Variants in DLGAP2 observed in about 807,000 individuals in gnomAD.
DLGAP2 encodes disks large-associated protein 2.
DLGAP2 carries 26 observed loss-of-function variants against 100.3 expected under a neutral mutation model. The observed-to-expected ratio is 0.26, with a 90% CI of 0.19 to 0.36. The LOEUF is 0.36. Among genes scored for constraint, DLGAP2 ranks in the 10% least tolerant of loss-of-function variants. The probability of loss-of-function intolerance (pLI) is 1.00; values close to 1 mark genes in which losing one functional copy is unlikely to be tolerated. For synonymous variants in DLGAP2, 886 were observed against 630.1 expected (o/e 1.41, Z -6.08); for missense variants, 1,858 against 1,453.2 (o/e 1.28, Z -4.53).
At chr8:1,360,448 C>A (rs903345251) in intron 3 of DLGAP2, among the ~76,000 whole-genome samples, 3 of 145,320 alleles carry the variant, frequency 2.1e-5, no homozygotes, top group African/African-American at 7.9e-5. Context: ...GAGTGTTTTG[C>A]CCACTCCAGG....
At chr8:1,269,693 G>A (rs984828254) in intron 3 of DLGAP2, among the ~76,000 whole-genome samples, 4 of 152,028 alleles carry the variant, frequency 2.6e-5, no homozygotes, top group African/African-American at 4.8e-5. Context: ...TAGAATGACT[G>A]TGCACCCCCC....
intron 2 of DLGAP2, among the ~76,000 whole-genome samples, chr8:968,234 G>A (rs1008045135): frequency 2.6e-5 from 4 of 152,236 alleles, no homozygotes; most frequent in African/African-American, 7.2e-5. Flanking sequence ...AGATGATTAT[G>A]ACAGCTATGC....
rs1487884467 is a variant in DLGAP2 at position 1,702,879 on chromosome 8, G to C, written c.*1473G>C. The C allele has an allele frequency of 2.0e-5, 3 of 152,620 alleles. No homozygotes were observed. Among genetic ancestry groups the C allele is most frequent in the Non-Finnish European group, 4.4e-5 (3 of 68,044 alleles). 9.5% of individuals were successfully genotyped at this position (152,620 alleles called of 1,614,324 possible). A position where few individuals can be genotyped will look rare whatever the true frequency, so the allele number is the denominator to read the frequency against. ...TAAGATGTTTCCACCCCAATACCTG[G>C]TCTTCCTTCCCGGCTTAAGGAGTAC... On this transcript the variant is annotated 3_prime_UTR_variant, in exon 15 of 15. Transcript: ENST00000637795.
At chr8:1,413,286 G>C (rs1387748489) in intron 3 of DLGAP2, among the ~76,000 whole-genome samples, 1 of 152,128 alleles carries the variant, frequency 6.6e-6, no homozygotes, top group Admixed American at 6.5e-5. Context: ...AAAGATAGAA[G>C]GATGGGAAGC....
chr8:1,671,490 C>T (rs1798688930), intron 10 of DLGAP2, among the ~76,000 whole-genome samples: 1 of 152,228 alleles, frequency 6.6e-6, no homozygotes, highest in Non-Finnish European at 1.5e-5. Flanking sequence ...CTCTGTGAGT[C>T]ACTGGCTCAT....
At chr8:1,587,807 G>A (rs572421748) in intron 6 of DLGAP2, among the ~76,000 whole-genome samples, 15 of 152,098 alleles carry the variant, frequency 9.9e-5, no homozygotes, top group East Asian at 7.7e-4. Flanking sequence ...TAGGGAGTTC[G>A]GTTGAGAGAC....
intron 2 of DLGAP2, among the ~76,000 whole-genome samples, chr8:909,803 G>A (rs1259868690): frequency 2.0e-5 from 3 of 152,220 alleles, no homozygotes; most frequent in Non-Finnish European, 4.4e-5. Flanking sequence ...AGAATGGAAA[G>A]ATGGGGAGAA....
At chr8:1,179,371 C>T (rs545185940) in intron 2 of DLGAP2, among the ~76,000 whole-genome samples, 4 of 152,288 alleles carry the variant, frequency 2.6e-5, no homozygotes, top group Middle Eastern at 3.4e-3. Context: ...GGGAGTGCTT[C>T]GCTGGGGGAC....
Position 850,827 on chromosome 8 carries a change from A to G in DLGAP2, c.19-57085A>G, listed in dbSNP as rs185330687. The stretch of plus-strand genomic sequence containing the variant: ...CAATTTTCCTAAAATAATAGTTAAA[A>G]TTTTTTTTTTCACTTTAAAGAATTC... On this transcript the variant is annotated intron_variant, in intron 1 of 14. Coordinates refer to ENST00000637795, the MANE Select transcript of DLGAP2 (RefSeq NM_001346810.2). Among the ~76,000 whole-genome samples, 333 of 150,862 alleles carry G rather than the reference A, an allele frequency of 2.2e-3. 1 individual carries two copies. Among genetic ancestry groups the G allele is most frequent in the Non-Finnish European group, 4.1e-3 (279 of 67,650 alleles).
intron 3 of DLGAP2, among the ~76,000 whole-genome samples, chr8:1,360,184 T>C (rs898157417): frequency 1.4e-5 from 2 of 142,154 alleles, no homozygotes; most frequent in African/African-American, 5.4e-5. Flanking sequence ...CTCCTGCTGC[T>C]TCCCGGGTGT....
At chr8:1,176,086 T>C (rs1001593153) in intron 2 of DLGAP2, among the ~76,000 whole-genome samples, 5 of 152,178 alleles carry the variant, frequency 3.3e-5, no homozygotes, top group Admixed American at 2.0e-4. Context: ...GGGTAATTTA[T>C]AAACAAAAGA....
At chr8:1,214,853 G>C (rs1020519009) in intron 2 of DLGAP2, among the ~76,000 whole-genome samples, 11 of 152,250 alleles carry the variant, frequency 7.2e-5, no homozygotes, top group Admixed American at 5.2e-4. Context: ...CAAGCCATCT[G>C]TTGCTGTTGT....
chr8:1,242,659 G>A (rs1424023729), intron 2 of DLGAP2, among the ~76,000 whole-genome samples: 8 of 152,178 alleles, frequency 5.3e-5, no homozygotes, highest in Admixed American at 4.6e-4. Flanking sequence ...AGGATTCCCT[G>A]ATTAACATGC....
chr8:1,545,733 C>T (rs973211678), intron 4 of DLGAP2, among the ~76,000 whole-genome samples: 3 of 152,184 alleles, frequency 2.0e-5, no homozygotes, highest in African/African-American at 7.2e-5. Context: ...TCAGGAAATC[C>T]AGTCCTGTAT....
At chr8:1,102,092 TA>T (rs1049131644) in intron 2 of DLGAP2, among the ~76,000 whole-genome samples, 16 of 151,820 alleles carry the variant, frequency 1.1e-4, no homozygotes, top group African/African-American at 3.9e-4. Context: ...ACTCATATTA[TA>T]AAACAACATA....
chr8:1,337,420 A>T (rs147840521), intron 3 of DLGAP2, among the ~76,000 whole-genome samples: 2 of 2,178 alleles, frequency 9.2e-4, no homozygotes, highest in East Asian at 0.029. Context: ...GATGGTGAGG[A>T]TGATGGTGAT....
chr8:1,054,429 C>G (rs1802817562), intron 2 of DLGAP2, among the ~76,000 whole-genome samples: 1 of 152,086 alleles, frequency 6.6e-6, no homozygotes, highest in Non-Finnish European at 1.5e-5. Flanking sequence ...TTTGTGGTCA[C>G]CAGTTACACT....
chr8:917,952 C>T (rs933241116), intron 2 of DLGAP2, among the ~76,000 whole-genome samples: 8 of 152,180 alleles, frequency 5.3e-5, no homozygotes, highest in African/African-American at 1.9e-4. Context: ...GAGACTGCCT[C>T]ATGACTTTCT....
At chr8:1,490,930 T>C (rs13258019) in intron 3 of DLGAP2, among the ~76,000 whole-genome samples, 85,090 of 145,968 alleles carry the variant, frequency 0.58, 25,429 homozygotes, top group Middle Eastern at 0.67. Flanking sequence ...TGCTAAATGA[T>C]GAGTTAATGG....
Sources: allele counts gnomAD v4.1 joint callset (sites outside exome capture counted in the v4.1 genomes callset), GRCh38; gene constraint gnomAD v4.1.1; transcripts MANE v1.5; gene names NCBI Gene and HGNC (gene_info 2026-07-23, HGNC 2026-07-21).